The following PRKN variants were observed in gnomAD, a reference collection of about 807,000 sequenced individuals.
PRKN encodes the protein parkin RBR E3 ubiquitin protein ligase, also known as E3 ubiquitin-protein ligase parkin.
In PRKN, 56 loss-of-function variants were observed where a neutral mutation model predicts 59.5. The observed-to-expected ratio is 0.94, with a 90% CI of 0.76 to 1.18. PRKN has a LOEUF of 1.18. Among genes scored for constraint, PRKN ranks in the 50% most tolerant of loss-of-function variants. The pLI is 0.00. For missense variants in PRKN, 657 were observed against 596.4 expected, an observed-to-expected ratio of 1.10 and a Z score of -1.06; for synonymous variants, 250 against 222.1, an observed-to-expected ratio of 1.13 and a Z score of -1.12.
At chr6:161,847,680 G>A (rs146159678) in intron 6 of PRKN, among the ~76,000 whole-genome samples, 63 of 151,908 alleles carry the variant, frequency 4.1e-4, no homozygotes, top group African/African-American at 1.3e-3. Flanking sequence ...AATTGAATCC[G>A]GGGTGCATCA....
At chr6:162,523,739 G>A (rs1180643120) in intron 1 of PRKN, among the ~76,000 whole-genome samples, 3 of 151,894 alleles carry the variant, frequency 2.0e-5, no homozygotes, top group Admixed American at 6.6e-5. Flanking sequence ...AAGTTTGGCT[G>A]GGCATAGTGG....
At chr6:161,787,765 C>G (rs926192880) in intron 6 of PRKN, among the ~76,000 whole-genome samples, 1 of 152,100 alleles carries the variant, frequency 6.6e-6, no homozygotes, top group South Asian at 2.1e-4. Context: ...GCTAACACAG[C>G]GAAAGCCCGT....
intron 5 of PRKN, among the ~76,000 whole-genome samples, chr6:162,043,287 A>G (rs543267348): frequency 6.6e-6 from 1 of 152,288 alleles, no homozygotes; most frequent in South Asian, 2.1e-4. Context: ...CATATCAATA[A>G]CCCTGAGGAA....
chr6:161,467,109 T>G lies in PRKN; in HGVS notation c.1084-80232A>C, dbSNP rs1175597962. ...TTGCCTCTGGATTAAAAAGCCTCTC[T>G]CATTACTGCTCATCAGTGTCCTGCT... On this transcript the variant is annotated intron_variant, in intron 9 of 11. Coordinates refer to ENST00000366898, the MANE Select transcript of PRKN (RefSeq NM_004562.3). This position sits in a 1 kb window ranked among gnomAD's most constrained non-coding sequence, Gnocchi z 4.3. Among the ~76,000 whole-genome samples, 1 of 152,206 alleles carries G rather than the reference T, an allele frequency of 6.6e-6. No individual in the cohort carries two copies. Among genetic ancestry groups the G allele is most frequent in the Non-Finnish European group, 1.5e-5 (1 of 68,042 alleles).
intron 3 of PRKN, among the ~76,000 whole-genome samples, chr6:162,233,023 G>A (rs111779807): frequency 0.029 from 4,404 of 152,206 alleles, 207 homozygotes; most frequent in African/African-American, 0.1. Flanking sequence ...ATATCACCAT[G>A]AGCACTAATG....
chr6:161,659,279 T>C (rs1206244506), intron 7 of PRKN, among the ~76,000 whole-genome samples: 1 of 152,214 alleles, frequency 6.6e-6, no homozygotes, highest in Non-Finnish European at 1.5e-5. Flanking sequence ...TTGTTCAAAA[T>C]TAATTATATA....
At chr6:162,015,307 G>T (rs1365033349) in intron 5 of PRKN, among the ~76,000 whole-genome samples, 2 of 152,078 alleles carry the variant, frequency 1.3e-5, no homozygotes, top group Non-Finnish European at 2.9e-5. Flanking sequence ...TTATATGATT[G>T]GTTTCTTTTC....
At chr6:162,396,812 C>T (rs1787500627) in intron 2 of PRKN, among the ~76,000 whole-genome samples, 1 of 152,174 alleles carries the variant, frequency 6.6e-6, no homozygotes, top group Admixed American at 6.5e-5. Flanking sequence ...TTTTACCTGC[C>T]CAGAATTCTT....
At chr6:162,609,208 G>C (rs1179747878) in intron 1 of PRKN, among the ~76,000 whole-genome samples, 1 of 152,170 alleles carries the variant, frequency 6.6e-6, no homozygotes, top group Non-Finnish European at 1.5e-5. Flanking sequence ...ATGCATTTAG[G>C]AAAGGGGCAG....
intron 5 of PRKN, among the ~76,000 whole-genome samples, chr6:161,977,878 T>C (rs1781111205): frequency 6.6e-6 from 1 of 152,020 alleles, no homozygotes; most frequent in Non-Finnish European, 1.5e-5. Flanking sequence ...GGTCATTTGC[T>C]CTAAAACTTC....
Position 161,454,223 on chromosome 6 carries a change from CG to C in PRKN, c.1084-67347del, listed in dbSNP as rs1562460245. Among the ~76,000 whole-genome samples the C allele has an allele frequency of 1.3e-5, 2 of 152,064 alleles. No homozygotes were observed. Among genetic ancestry groups the C allele is most frequent in the African/African-American group, 4.8e-5 (2 of 41,392 alleles). The stretch of plus-strand genomic sequence containing the variant: ...GAACGGCAGCATGGGTTCTATAGGT[CG>C]GGGTGGCATTAGCACTGACGGCACA... On this transcript the variant is annotated intron_variant, in intron 9 of 11. Coordinates refer to ENST00000366898, the MANE Select transcript of PRKN (RefSeq NM_004562.3). The surrounding 1 kb of genome is among the most constrained non-coding windows in gnomAD (Gnocchi z 4.6).
chr6:162,523,915 G>A (rs568404314), intron 1 of PRKN, among the ~76,000 whole-genome samples: 11 of 152,154 alleles, frequency 7.2e-5, no homozygotes, highest in African/African-American at 2.4e-4. Context: ...ATAAAGAAAA[G>A]GAAGAGTAAG....
chr6:161,522,863 C>T (rs527544557), intron 9 of PRKN, among the ~76,000 whole-genome samples: 4 of 152,242 alleles, frequency 2.6e-5, no homozygotes, highest in African/African-American at 7.2e-5. Flanking sequence ...CCAGTGACAT[C>T]GTATCAATAA....
chr6:162,076,504 G>A (rs779638362), intron 4 of PRKN, among the ~76,000 whole-genome samples: 6 of 151,780 alleles, frequency 4.0e-5, no homozygotes, highest in Non-Finnish European at 7.4e-5. Context: ...TCTTTCCCCC[G>A]ATTGTGTTAT....
At chr6:161,804,229 C>T (rs563514701) in intron 6 of PRKN, among the ~76,000 whole-genome samples, 25 of 152,308 alleles carry the variant, frequency 1.6e-4, no homozygotes, top group African/African-American at 5.8e-4. Context: ...AGGCTCGACA[C>T]CCAAGAGGAG....
intron 2 of PRKN, among the ~76,000 whole-genome samples, chr6:162,355,626 T>C (rs111600354): frequency 4.6e-5 from 7 of 151,072 alleles, no homozygotes; most frequent in African/African-American, 1.7e-4. Flanking sequence ...TCAGCATGAA[T>C]AAAAGGCAAA....
chr6:162,665,100 G>A (rs540235904), intron 1 of PRKN, among the ~76,000 whole-genome samples: 1 of 152,220 alleles, frequency 6.6e-6, no homozygotes, highest in African/African-American at 2.4e-5. Flanking sequence ...AAAGCTGGAA[G>A]CATTCCCTTT....
intron 3 of PRKN, among the ~76,000 whole-genome samples, chr6:162,215,485 T>A (rs751080891): frequency 6.6e-6 from 1 of 152,176 alleles, no homozygotes; most frequent in Non-Finnish European, 1.5e-5. Context: ...GATTCTAAAC[T>A]AAATGTTTCT....
At chr6:162,219,275 G>A (rs531129441) in intron 3 of PRKN, among the ~76,000 whole-genome samples, 151 of 152,232 alleles carry the variant, frequency 9.9e-4, no homozygotes, top group African/African-American at 3.5e-3. Context: ...CTACTAGAAC[G>A]CAGTGGATTC....
Sources: allele counts gnomAD v4.1 joint callset (sites outside exome capture counted in the v4.1 genomes callset), GRCh38; gene constraint gnomAD v4.1.1; non-coding constraint Gnocchi (gnomAD v3.1); transcripts MANE v1.5; gene names NCBI Gene and HGNC (gene_info 2026-07-23, HGNC 2026-07-21).